The following SRL variants were observed in gnomAD, a reference collection of about 807,000 sequenced individuals.
SRL encodes sarcalumenin.
Under a neutral mutation model 39.5 loss-of-function variants are expected in SRL, and 23 were observed. The ratio of observed to expected loss-of-function variants is 0.58; its 90% CI spans 0.42 to 0.82. The LOEUF (loss-of-function observed/expected upper bound fraction) is 0.82. SRL is among the 40% of genes least tolerant of loss of function. The pLI is 0.00. For synonymous variants in SRL, 272 were observed against 237.4 expected, an observed-to-expected ratio of 1.15 and a Z score of -1.34; for missense variants, 592 against 607.8, an observed-to-expected ratio of 0.97 and a Z score of 0.27.
intron 1 of SRL, among the ~76,000 whole-genome samples, chr16:4,216,868 A>G (rs139401833): frequency 1.4e-3 from 206 of 152,276 alleles, no homozygotes; most frequent in African/African-American, 4.6e-3. Flanking sequence ...AAGAAATCCA[A>G]TCTCCCTGGG....
intron 1 of SRL, among the ~76,000 whole-genome samples, chr16:4,224,406 A>T (rs1031743519): frequency 1.3e-5 from 2 of 152,050 alleles, no homozygotes; most frequent in African/African-American, 4.8e-5. Context: ...AGATATTTCT[A>T]ATTATAAGAT....
At chr16:4,217,506 C>A (rs371309524) in intron 1 of SRL, among the ~76,000 whole-genome samples, 2 of 152,194 alleles carry the variant, frequency 1.3e-5, no homozygotes, top group African/African-American at 2.4e-5. Flanking sequence ...CCAGCCTTAG[C>A]GTCTCAAAGT....
chr16:4,239,879 G>T (rs1034927686), intron 1 of SRL: 1 of 152,400 alleles, frequency 6.6e-6, no homozygotes, highest in Non-Finnish European at 1.5e-5. Flanking sequence ...TCCCAAAGAG[G>T]AGGGCCCAGT....
chr16:4,214,235 A>T (rs200422952), intron 1 of SRL, among the ~76,000 whole-genome samples: 1 of 152,196 alleles, frequency 6.6e-6, no homozygotes, highest in East Asian at 1.9e-4. Flanking sequence ...TCAAATGTAG[A>T]TTCTATTCCA....
At chr16:4,233,593 C>T (rs1369507928) in intron 1 of SRL, among the ~76,000 whole-genome samples, 4 of 151,720 alleles carry the variant, frequency 2.6e-5, no homozygotes, top group South Asian at 2.1e-4. Context: ...TTTTTCAGTG[C>T]GTGTCATCTC....
intron 4 of SRL, 37 bp downstream of exon 4, chr16:4,197,762 A>T (rs764616453): frequency 1.4e-6 from 2 of 1,421,692 alleles, no homozygotes; most frequent in Non-Finnish European, 2.0e-6. Context: ...TACATACAAC[A>T]TTCAAATCCC....
chr16:4,191,959 A>T lies in SRL; in HGVS notation c.*194T>A, dbSNP rs1472027029. 1.8e-6 allele frequency: 1 copy of T among 561,506 alleles called. No homozygotes were observed. Among genetic ancestry groups the T allele is most frequent in the Non-Finnish European group, 3.0e-6 (1 of 329,568 alleles). 34.8% of individuals were successfully genotyped at this position (561,506 alleles called of 1,614,324 possible). On this transcript the variant is annotated 3_prime_UTR_variant, in exon 6 of 6. Coordinates refer to ENST00000399609, the MANE Select transcript of SRL (RefSeq NM_001098814.2). ...CTCATTGAAGCAACAAGACAAGCAC[A>T]CAGGAATTCACAGTTTCCACTCTCC...
At chr16:4,217,907 G>A (rs2052478058) in intron 1 of SRL, among the ~76,000 whole-genome samples, 1 of 152,120 alleles carries the variant, frequency 6.6e-6, no homozygotes, top group Non-Finnish European at 1.5e-5. Context: ...AGGGGGCCCG[G>A]AGCCATCCAT....
At chr16:4,234,465 G>A (rs537051341) in intron 1 of SRL, among the ~76,000 whole-genome samples, 2 of 152,184 alleles carry the variant, frequency 1.3e-5, no homozygotes, top group Admixed American at 6.5e-5. Context: ...CAAGGTAGGG[G>A]GGCAGCTGGG....
At chr16:4,224,843 C>T (rs922916386) in intron 1 of SRL, among the ~76,000 whole-genome samples, 1 of 152,178 alleles carries the variant, frequency 6.6e-6, no homozygotes, top group Non-Finnish European at 1.5e-5. Context: ...AACAGCCCGA[C>T]TGTCCATCAG....
chr16:4,200,345 G>A (rs768324042), intron 3 of SRL, among the ~76,000 whole-genome samples: 1 of 152,160 alleles, frequency 6.6e-6, no homozygotes, highest in Non-Finnish European at 1.5e-5. Flanking sequence ...TAGATGTTCC[G>A]GTTCTCCGAG....
At chr16:4,203,034 G>A in intron 3 of SRL, 132 bp downstream of exon 3, 2 of 796,978 alleles carry the variant, frequency 2.5e-6, no homozygotes, top group South Asian at 1.6e-5. Context: ...ACAAGTCCTT[G>A]CACACATCAT....
At chr16:4,233,712 C>T (rs556478732) in intron 1 of SRL, among the ~76,000 whole-genome samples, 1 of 152,300 alleles carries the variant, frequency 6.6e-6, no homozygotes, top group African/African-American at 2.4e-5. Context: ...AGATGGGCCT[C>T]ACAGGGAGGG....
At chr16:4,200,253 G>C (rs1337821705) in intron 3 of SRL, among the ~76,000 whole-genome samples, 1 of 152,242 alleles carries the variant, frequency 6.6e-6, no homozygotes, top group East Asian at 1.9e-4. Flanking sequence ...AGGAGGCTGA[G>C]AGGGTGGCAG....
chr16:4,213,404 C>CTTTTTTTT lies in SRL; in HGVS notation c.62-8778_62-8771dup, dbSNP rs1176583909. 8.6e-4 allele frequency among the ~76,000 whole-genome samples: 60 copies of CTTTTTTTT among 69,582 alleles called. 1 individual carries two copies. Among genetic ancestry groups the CTTTTTTTT allele is most frequent in the African/African-American group, 2.2e-3 (27 of 12,200 alleles). 45.6% of individuals were successfully genotyped at this position (69,582 alleles called of 152,430 possible). A position where few individuals can be genotyped will look rare whatever the true frequency, so the allele number is the denominator to read the frequency against. On this transcript the variant is annotated intron_variant, in intron 1 of 5. Coordinates refer to ENST00000399609, the MANE Select transcript of SRL (RefSeq NM_001098814.2). ...CATCTTTTTTTTTCTTTTTCTTTTTCTTTTTTTTTTTTTTTTTTTTTTTTT... is the reference window on the plus strand; with the variant it reads ...CATCTTTTTTTTTCTTTTTCTTTTTCTTTTTTTTTTTTTTTTTTTTTTTTTTTTTTTTT...
At chr16:4,210,238 T>C (rs1278657996) in intron 1 of SRL, among the ~76,000 whole-genome samples, 2 of 152,156 alleles carry the variant, frequency 1.3e-5, no homozygotes, top group Non-Finnish European at 2.9e-5. Context: ...CTCCTTCACC[T>C]ACATCTCTAT....
rs757285107 is a variant in SRL, at chr16:4,192,528, G to C, written c.1047C>G (p.Arg349=). 6.2e-7 allele frequency: 1 copy of C among 1,614,206 alleles called. No homozygotes were observed. Among genetic ancestry groups the C allele is most frequent in the Middle Eastern group, 1.6e-4 (1 of 6,062 alleles). ...RVRIHALLVD[R]YLQTYKDKMT... is the part of the protein sequence containing the mutation. The stretch of plus-strand genomic sequence containing the variant: ...TTTTGTCCTTGTAAGTCTGCAGGTA[G>C]CGGTCAACCAGGAGGGCGTGGATGC... Residue 349 remains arginine (R), a synonymous_variant, in exon 6 of 6, where the codon CGC becomes CGG. Coordinates refer to ENST00000399609, the MANE Select transcript of SRL (RefSeq NM_001098814.2). This position sits in a 1 kb window ranked among gnomAD's most constrained non-coding sequence, Gnocchi z 4.0.
chr16:4,203,057 G>T, intron 3 of SRL, 109 bp downstream of exon 3: 3 of 959,598 alleles, frequency 3.1e-6, no homozygotes, highest in Non-Finnish European at 5.0e-6. Flanking sequence ...ATGAGCTCCT[G>T]AACCTGTGTG....
intron 1 of SRL, among the ~76,000 whole-genome samples, chr16:4,210,905 G>C (rs545374367): frequency 6.6e-6 from 1 of 152,154 alleles, no homozygotes; most frequent in South Asian, 2.1e-4. Context: ...TCCCCCGGGA[G>C]CCTGTTAGAG....
Sources: gnomAD v4.1 joint callset for allele counts (sites outside exome capture counted in the v4.1 genomes callset) on GRCh38, gnomAD v4.1.1 for gene constraint, Gnocchi (gnomAD v3.1) non-coding constraint, MANE v1.5 for transcripts, NCBI Gene and HGNC (gene_info 2026-07-23, HGNC 2026-07-21) for gene names.